ZNF341: variants seen among roughly 807,000 people sequenced by gnomAD.
The protein encoded by ZNF341 is zinc finger protein 341.
A neutral mutation model predicts 87.7 loss-of-function variants in ZNF341; 52 were observed. The ratio of observed to expected loss-of-function variants is 0.59; its 90% CI spans 0.47 to 0.75. ZNF341 has a LOEUF of 0.75. Among genes scored for constraint, ZNF341 ranks in the 30% least tolerant of loss-of-function variants. The probability of loss-of-function intolerance (pLI) is 0.00; values close to 1 mark genes in which losing one functional copy is unlikely to be tolerated. For synonymous variants in ZNF341, 459 were observed against 472.7 expected (o/e 0.97, Z 0.38); for missense variants, 977 against 1,145.9 (o/e 0.85, Z 2.13).
intron 12 of ZNF341, among the ~76,000 whole-genome samples, chr20:33,786,696 C>T (rs1042666282): frequency 3.3e-5 from 5 of 152,012 alleles, no homozygotes; most frequent in African/African-American, 9.7e-5. Context: ...CTGCCAGGCG[C>T]GGTGGCTCAT....
chr20:33,765,962 G>A (rs2019397008), intron 8 of ZNF341, among the ~76,000 whole-genome samples: 2 of 151,948 alleles, frequency 1.3e-5, no homozygotes, highest in South Asian at 2.1e-4. Flanking sequence ...GGCTCACTGC[G>A]ACCTCCACCT....
chr20:33,769,989 T>A, intron 9 of ZNF341, 95 bp from the exon 10 acceptor site: 1 of 777,472 alleles, frequency 1.3e-6, no homozygotes, highest in East Asian at 2.6e-5. Context: ...GTCAGATCAT[T>A]TACCATCAGT....
chr20:33,762,950 T>C (rs1249962023), intron 8 of ZNF341, among the ~76,000 whole-genome samples: 3 of 152,174 alleles, frequency 2.0e-5, no homozygotes, highest in Non-Finnish European at 2.9e-5. Flanking sequence ...AAATGTGAAC[T>C]GATAAAAGTA....
At chr20:33,760,346 T>C (rs2019266038) in intron 7 of ZNF341, among the ~76,000 whole-genome samples, 1 of 152,028 alleles carries the variant, frequency 6.6e-6, no homozygotes, top group Non-Finnish European at 1.5e-5. Flanking sequence ...GAGGTTGCAG[T>C]GAGCTGAGAT....
Position 33,748,907 on chromosome 20 carries a change from C to T in ZNF341, c.340-16C>T, listed in dbSNP as rs375824635. On this transcript the variant is annotated splice_polypyrimidine_tract_variant and intron_variant, in intron 3 of 14. Transcript: ENST00000375200. ...TCTCTCTCCGTCTCACTCATTCTCT[C>T]TCTCCCACTGTCCAGATCTCCACAT... 45 of 1,604,334 alleles carry T rather than the reference C, an allele frequency of 2.8e-5. No individual in the cohort carries two copies. The Middle Eastern group carries it at 6.7e-4, about 24-fold the overall frequency.
rs17090774 is a variant in ZNF341, at chr20:33,791,962, C to T, written c.*445C>T. 7.7e-3 allele frequency: 1,249 copies of T among 161,594 alleles called. 14 individuals are homozygous for T. Among genetic ancestry groups the T allele is most frequent in the African/African-American group, 0.028 (1,169 of 41,898 alleles). 10.0% of individuals were successfully genotyped at this position (161,594 alleles called of 1,614,324 possible). Reference sequence around the variant, plus strand: ...TTTACGTGTTGCACCTTTTCACAGACGGTTCCCCACAGCATCCTCAGACAG... The same window carrying T: ...TTTACGTGTTGCACCTTTTCACAGATGGTTCCCCACAGCATCCTCAGACAG... On this transcript the variant is annotated 3_prime_UTR_variant, in exon 15 of 15. Coordinates refer to ENST00000375200, the MANE Select transcript of ZNF341 (RefSeq NM_001282933.2).
chr20:33,790,424 A>ATT (rs147565705), intron 14 of ZNF341, among the ~76,000 whole-genome samples: 1,746 of 152,064 alleles, frequency 0.011, 31 homozygotes, highest in African/African-American at 0.04. Context: ...GCCCTGTAGG[A>ATT]TTTTTAGCAG....
intron 9 of ZNF341, among the ~76,000 whole-genome samples, chr20:33,769,029 T>C (rs1486142122): frequency 6.6e-6 from 1 of 152,176 alleles, no homozygotes; most frequent in Admixed American, 6.6e-5. Flanking sequence ...ATTGTCAAAT[T>C]ACATACAAAT....
chr20:33,744,497 G>T (rs1003125883), intron 2 of ZNF341, among the ~76,000 whole-genome samples: 5 of 152,124 alleles, frequency 3.3e-5, no homozygotes, highest in Admixed American at 6.6e-5. Context: ...AGGTTCTGGA[G>T]TTCTCAACTT....
chr20:33,748,852 A>T (rs2018994943), intron 3 of ZNF341, 71 bp from the exon 4 acceptor site: 1 of 1,474,374 alleles, frequency 6.8e-7, no homozygotes, highest in Non-Finnish European at 9.3e-7. Context: ...ACACATGCAC[A>T]CACGCACACA....
chr20:33,734,829 C>T (rs1004095645), intron 1 of ZNF341, among the ~76,000 whole-genome samples: 7 of 151,960 alleles, frequency 4.6e-5, no homozygotes, highest in East Asian at 1.9e-4. Flanking sequence ...CTCAGCCTCC[C>T]GAGTAGCTGA....
chr20:33,753,308 G>T lies in ZNF341; in HGVS notation c.626G>T (p.Arg209Leu). Reference sequence around the variant, plus strand: ...CCCCAGAGCCTGGGCCCCCCTGGGCGTCCCAACCCTGGTGGGAACGGTGTG... The same window carrying T: ...CCCCAGAGCCTGGGCCCCCCTGGGCTTCCCAACCCTGGTGGGAACGGTGTG... ...PPPQSLGPPG[R>L]PNPGGNGVVE... The change falls in exon 5 of 15, where the codon CGT becomes CTT. Residue 209 changes from arginine to leucine, a missense_variant. Arg to Leu is a moderately radical substitution (Grantham distance 102, BLOSUM62 -2). This residue lies in a region of ZNF341 where 515 missense variants were observed against 598.2 expected (regional missense o/e 0.86). Coordinates refer to ENST00000375200, the MANE Select transcript of ZNF341 (RefSeq NM_001282933.2). The T allele has an allele frequency of 6.2e-7, 1 of 1,611,598 alleles. No homozygotes were observed. The highest frequency in any genetic ancestry group is 8.5e-7 in the Non-Finnish European group (1 of 1,179,056).
rs1330819294 is a variant in ZNF341, at chr20:33,749,032, C to T, written c.449C>T (p.Ser150Phe). ...ATGTCTGCCATGTCAGCCTTCACAT[C>T]CCTGGACCAGCCCATGCCCCAGGGC... The part of the protein sequence containing the change: ...VLMSAMSAFT[S>F]LDQPMPQGPP... Residue 150 changes from serine (S) to phenylalanine (F), a missense_variant, in exon 4 of 15, where the codon TCC becomes TTC. Physicochemically the swap from Ser to Phe is radical, Grantham distance 155. Coordinates refer to ENST00000375200, the MANE Select transcript of ZNF341 (RefSeq NM_001282933.2). 1.2e-6 allele frequency: 2 copies of T among 1,614,052 alleles called. No homozygotes were observed. Among genetic ancestry groups the T allele is most frequent in the African/African-American group, 2.7e-5 (2 of 74,942 alleles).
chr20:33,736,679 C>G (rs934100746), intron 1 of ZNF341, among the ~76,000 whole-genome samples: 2 of 152,080 alleles, frequency 1.3e-5, no homozygotes, highest in African/African-American at 4.8e-5. Context: ...TTAGTAGGGA[C>G]GGGTTTCACC....
intron 10 of ZNF341, among the ~76,000 whole-genome samples, chr20:33,773,186 A>G (rs1235329464): frequency 6.6e-6 from 1 of 152,178 alleles, no homozygotes; most frequent in African/African-American, 2.4e-5. Flanking sequence ...GAAGACACTG[A>G]GGTTCAAAGA....
intron 10 of ZNF341, among the ~76,000 whole-genome samples, chr20:33,779,752 T>G (rs6057903): frequency 0.024 from 3,619 of 152,214 alleles, 142 homozygotes; most frequent in African/African-American, 0.082. Context: ...CATCCAGCCA[T>G]GTGACAATTG....
intron 5 of ZNF341, among the ~76,000 whole-genome samples, chr20:33,754,499 C>T (rs1261670800): frequency 2.0e-5 from 3 of 152,158 alleles, no homozygotes; most frequent in South Asian, 2.1e-4. Flanking sequence ...GATCCCACCA[C>T]GAGGCATTCA....
intron 10 of ZNF341, 46 bp downstream of exon 10, chr20:33,770,338 G>GGGTGGGGGGGGGGGGGGC: frequency 2.0e-6 from 1 of 491,752 alleles, no homozygotes; most frequent in East Asian, 6.2e-5. Context: ...GGGTGGGTGG[G>GGGTGGGGGGGGGGGGGGC]CAGGGAGCCC....
At chr20:33,752,111 C>A in intron 4 of ZNF341, 3 of 382,524 alleles carry the variant, frequency 7.8e-6, no homozygotes, top group South Asian at 2.0e-5. Context: ...CAAGCAAGCC[C>A]CCCCCCCTTT....
Sources: allele counts gnomAD v4.1 joint callset (sites outside exome capture counted in the v4.1 genomes callset), GRCh38; gene constraint gnomAD v4.1.1; regional missense constraint gnomAD v4.1.1; transcripts MANE v1.5; gene names NCBI Gene and HGNC (gene_info 2026-07-23, HGNC 2026-07-21).